ATP6V0A2: variants seen among roughly 807,000 people sequenced by gnomAD.
The protein encoded by ATP6V0A2 is ATPase H+ transporting V0 subunit a2.
Under a neutral mutation model 104.4 loss-of-function variants are expected in ATP6V0A2, and 58 were observed. That is an observed-to-expected ratio of 0.56 (90% confidence interval 0.45 to 0.69). The LOEUF (loss-of-function observed/expected upper bound fraction) is 0.69, where lower values mean the gene tolerates loss of function less well. Among genes scored for constraint, ATP6V0A2 ranks in the 30% least tolerant of loss-of-function variants. The pLI is 0.00. For missense variants in ATP6V0A2, 938 were observed against 1,062.9 expected, an observed-to-expected ratio of 0.88 and a Z score of 1.63; for synonymous variants, 376 against 397.9, an observed-to-expected ratio of 0.95 and a Z score of 0.65.
chr12:123,743,500 A>T (rs933607000), intron 9 of ATP6V0A2, among the ~76,000 whole-genome samples: 2 of 152,090 alleles, frequency 1.3e-5, no homozygotes, highest in Non-Finnish European at 2.9e-5. Context: ...CTAAAAATAC[A>T]AAATTAGACG....
chr12:123,744,795 C>A lies in ATP6V0A2; in HGVS notation c.1514+11C>A, dbSNP rs1426073159. The A allele has an allele frequency of 6.2e-7, 1 of 1,614,194 alleles. No individual in the cohort carries two copies. Among genetic ancestry groups the A allele is most frequent in the Non-Finnish European group, 8.5e-7 (1 of 1,180,032 alleles). The stretch of plus-strand genomic sequence containing the variant: ...GATGGTGCTTTGGAAGTAAGTGTCC[C>A]ATAGCTGGTGATGCTCTGGGTGGAA... On this transcript the variant is annotated intron_variant, in intron 12 of 19. Coordinates refer to ENST00000330342, the MANE Select transcript of ATP6V0A2 (RefSeq NM_012463.4). The surrounding 1 kb of genome is among the most constrained non-coding windows in gnomAD (Gnocchi z 5.4).
intron 6 of ATP6V0A2, among the ~76,000 whole-genome samples, chr12:123,729,080 A>G (rs1156573188): frequency 2.0e-5 from 3 of 152,124 alleles, no homozygotes; most frequent in African/African-American, 7.2e-5. Context: ...ATTCTTCATC[A>G]GGTTTTCAGC....
intron 7 of ATP6V0A2, among the ~76,000 whole-genome samples, chr12:123,734,707 A>G (rs906203700): frequency 5.9e-5 from 9 of 152,162 alleles, no homozygotes; most frequent in African/African-American, 1.9e-4. Context: ...TCTTCCCCCC[A>G]TGGACAACTC....
intron 2 of ATP6V0A2, among the ~76,000 whole-genome samples, chr12:123,719,678 C>T (rs912527343): frequency 5.9e-5 from 9 of 152,024 alleles, no homozygotes; most frequent in Admixed American, 2.0e-4. Flanking sequence ...CAAAGCTCTC[C>T]GTGCTGCCTA....
chr12:123,717,626 G>C (rs1956357101), intron 1 of ATP6V0A2, among the ~76,000 whole-genome samples: 2 of 150,666 alleles, frequency 1.3e-5, no homozygotes, highest in Admixed American at 1.3e-4. Flanking sequence ...TTATTTTTTG[G>C]AGAGATGGTG....
rs1381041689 is a variant in ATP6V0A2 at position 123,757,914 on chromosome 12, T to G, written c.2466-13T>G. The G allele has an allele frequency of 6.6e-7, 1 of 1,508,996 alleles. No individual in the cohort carries two copies. Among genetic ancestry groups the G allele is most frequent in the African/African-American group, 1.4e-5 (1 of 72,126 alleles). The allele number at this position is 1,508,996 out of a possible 1,614,324, so 93.5% of individuals were successfully genotyped here. A position where few individuals can be genotyped will look rare whatever the true frequency, so the allele number is the denominator to read the frequency against. ...ATAATCTTCCATTAATACATGGCTT[T>G]TTTTTTTTTTAGGGTAGAATTTCAG... On this transcript the variant is annotated splice_polypyrimidine_tract_variant and intron_variant, in intron 19 of 19. Transcript: ENST00000330342.
intron 8 of ATP6V0A2, among the ~76,000 whole-genome samples, chr12:123,736,083 G>C (rs1198646094): frequency 6.6e-6 from 1 of 151,954 alleles, no homozygotes; most frequent in African/African-American, 2.4e-5. Context: ...ATGTTGCCCA[G>C]GCTGGTCTAA....
intron 9 of ATP6V0A2, among the ~76,000 whole-genome samples, chr12:123,741,646 T>G (rs2135906624): frequency 6.6e-6 from 1 of 152,210 alleles, no homozygotes; most frequent in East Asian, 1.9e-4. Context: ...TATTTTTTTG[T>G]AGAGATGGGG....
At chr12:123,723,174 C>T (rs550411628) in intron 3 of ATP6V0A2, 33 of 152,478 alleles carry the variant, frequency 2.2e-4, no homozygotes, top group African/African-American at 7.7e-4. Context: ...TTACTTGGTG[C>T]AGGAGACTCC....
At position 123,761,206 on chromosome 12, in the gene ATP6V0A2, C is replaced by G. The variant is rs550668152; in HGVS notation, c.*3174C>G. On this transcript the variant is annotated 3_prime_UTR_variant, in exon 20 of 20. Transcript: ENST00000330342. The stretch of plus-strand genomic sequence containing the variant: ...ACAGGCGTGAGCCACCGCGCCTGGC[C>G]CTCTGCAGTTGTTTAATAAGGCACA... 1 of 152,366 alleles carries G rather than the reference C, an allele frequency of 6.6e-6. No homozygotes were observed. The highest frequency in any genetic ancestry group is 1.9e-4 in the East Asian group (1 of 5,186). The allele number at this position is 152,366 out of a possible 1,614,324, so 9.4% of individuals were successfully genotyped here.
intron 9 of ATP6V0A2, among the ~76,000 whole-genome samples, chr12:123,740,054 T>C: frequency 6.6e-6 from 1 of 152,086 alleles, no homozygotes; most frequent in Non-Finnish European, 1.5e-5. Flanking sequence ...TCTCAGCTAC[T>C]CTGGAGGCCG....
intron 9 of ATP6V0A2, among the ~76,000 whole-genome samples, chr12:123,740,263 C>T (rs1336768487): frequency 6.6e-6 from 1 of 150,794 alleles, no homozygotes; most frequent in Non-Finnish European, 1.5e-5. Context: ...AGTACAGTGG[C>T]ATGATACTGG....
At chr12:123,723,840 G>A (rs1360114103) in intron 3 of ATP6V0A2, 1 of 152,162 alleles carries the variant, frequency 6.6e-6, no homozygotes, top group Non-Finnish European at 1.5e-5. Context: ...AGGAAAATAA[G>A]TTAGAAAAGA....
intron 16 of ATP6V0A2, 50 bp downstream of exon 16, chr12:123,751,279 G>T (rs372133434): frequency 1.2e-5 from 19 of 1,613,464 alleles, no homozygotes; most frequent in Non-Finnish European, 1.5e-5. Context: ...GCTTGCTTTC[G>T]GTTATACAAG....
rs1456903615 is a variant in ATP6V0A2, at chr12:123,752,136, AG to A, written c.2056-145del. 4.3e-6 allele frequency: 4 copies of A among 936,046 alleles called. No homozygotes were observed. The African/African-American group carries it at 6.6e-5, about 15-fold the overall frequency. The allele number at this position is 936,046 out of a possible 1,614,324, so 58.0% of individuals were successfully genotyped here. ...CGGCTTCCCAAAGTGCTGTGATTAC[AG>A]GTGTGAGCCACTGTGCCTAGCCTAA... On this transcript the variant is annotated intron_variant, in intron 16 of 19. Transcript: ENST00000330342.
At chr12:123,752,459 G>GA in intron 17 of ATP6V0A2, 57 bp downstream of exon 17, 1 of 1,594,910 alleles carries the variant, frequency 6.3e-7, no homozygotes, top group Non-Finnish European at 8.6e-7. Flanking sequence ...CTTCCATAGA[G>GA]ATAATCATGT....
intron 1 of ATP6V0A2, among the ~76,000 whole-genome samples, chr12:123,718,156 T>C (rs1056367128): frequency 2.0e-5 from 3 of 151,684 alleles, no homozygotes; most frequent in African/African-American, 4.8e-5. Context: ...AATGGCACGA[T>C]CTTGGCTCAC....
intron 9 of ATP6V0A2, among the ~76,000 whole-genome samples, chr12:123,739,975 G>A (rs937411122): frequency 6.6e-5 from 10 of 151,872 alleles, no homozygotes; most frequent in Non-Finnish European, 1.3e-4. Flanking sequence ...TTTCAGCCTG[G>A]GCAACATGGT....
At position 123,724,743 on chromosome 12, in the gene ATP6V0A2, C is replaced by A. The variant is rs1251814005; in HGVS notation, c.384C>A (p.Tyr128Ter). ...AAAACTTGCTGGAACTGATAGAGTACACTCACATGCTGAGAGTGACAAAGA... is the reference window on the plus strand; with the variant it reads ...AAAACTTGCTGGAACTGATAGAGTAAACTCACATGCTGAGAGTGACAAAGA... ...LRKNLLELIE[Y>*]THMLRVTKTF... Residue 128 changes from tyrosine to a stop codon, truncating the protein, a stop_gained, in exon 4 of 20, where the codon TAC becomes TAA. Coordinates refer to ENST00000330342, the MANE Select transcript of ATP6V0A2 (RefSeq NM_012463.4). LOFTEE classifies it high-confidence loss of function. The A allele has an allele frequency of 2.5e-6, 4 of 1,613,594 alleles. No homozygotes were observed. In the African/African-American group the frequency reaches 5.3e-5, roughly 22 times the overall value.
Sources: allele counts gnomAD v4.1 joint callset (sites outside exome capture counted in the v4.1 genomes callset), GRCh38; gene constraint gnomAD v4.1.1; non-coding constraint Gnocchi (gnomAD v3.1); transcripts MANE v1.5; gene names NCBI Gene and HGNC (gene_info 2026-07-23, HGNC 2026-07-21).